Variants in POU6F2 observed in about 807,000 individuals in gnomAD.
The protein encoded by POU6F2 is POU class 6 homeobox 2.
In POU6F2, 31 loss-of-function variants were observed where a neutral mutation model predicts 71.3. The ratio of observed to expected loss-of-function variants is 0.43; its 90% CI spans 0.33 to 0.59. POU6F2 has a LOEUF of 0.59. Ranked by LOEUF, POU6F2 falls within the 20% of genes least tolerant of loss-of-function variation. The pLI is 0.04. For synonymous variants in POU6F2, 347 were observed against 355.7 expected (o/e 0.98, Z 0.27); for missense variants, 783 against 856.8 (o/e 0.91, Z 1.07).
intron 4 of POU6F2, among the ~76,000 whole-genome samples, chr7:39,283,940 G>A (rs1220918942): frequency 6.6e-6 from 1 of 152,118 alleles, no homozygotes; most frequent in African/African-American, 2.4e-5. Flanking sequence ...AATACAAGAG[G>A]ATGCAAACGC....
rs747075143 is a variant in POU6F2, at chr7:39,173,521, TACTCTA to T, written c.278-30710_278-30705del. On this transcript the variant is annotated intron_variant, in intron 2 of 9. Coordinates refer to ENST00000518318, the MANE Select transcript of POU6F2 (RefSeq NM_001370959.1). The stretch of plus-strand genomic sequence containing the variant: ...GTTGAAAAAGTGTAGCTAGTGATCC[TACTCTA>T]ACTTAACCAATGACTTTCAGCATCC... Among the ~76,000 whole-genome samples, 49 of 152,376 alleles carry T rather than the reference TACTCTA, an allele frequency of 3.2e-4. 2 individuals are homozygous for T. In the Middle Eastern group the frequency reaches 0.017, roughly 53 times the overall value.
At position 39,267,229 on chromosome 7, in the gene POU6F2, C is replaced by G. The variant is rs577718976; in HGVS notation, c.598+59609C>G. Reference sequence around the variant, plus strand: ...TGGAATAGGAAAGAGAACACACACACAGACGCCCATAAAATTACAGTGTAG... The same window carrying G: ...TGGAATAGGAAAGAGAACACACACAGAGACGCCCATAAAATTACAGTGTAG... On this transcript the variant is annotated intron_variant, in intron 4 of 9. Transcript: ENST00000518318. 2.0e-3 allele frequency among the ~76,000 whole-genome samples: 303 copies of G among 152,300 alleles called. 1 individual carries two copies. The highest frequency in any genetic ancestry group is 7.2e-3 in the African/African-American group (298 of 41,564).
intron 5 of POU6F2, among the ~76,000 whole-genome samples, chr7:39,347,078 TCAGTTTCCTCACTGGTCAGA>T (rs1200198671): frequency 2.0e-5 from 3 of 152,178 alleles, no homozygotes; most frequent in Admixed American, 2.0e-4. Context: ...CTTCTGAGCC[TCAGTTTCCTCACTGGTCAGA>T]CAGTTGGTGT....
chr7:39,212,721 C>T (rs535654606), intron 4 of POU6F2, among the ~76,000 whole-genome samples: 1 of 152,348 alleles, frequency 6.6e-6, no homozygotes, highest in Admixed American at 6.5e-5. Context: ...CTTGCTCTGT[C>T]ACATATTCCA....
intron 1 of POU6F2, among the ~76,000 whole-genome samples, chr7:38,980,482 T>G (rs2116583878): frequency 6.6e-6 from 1 of 152,294 alleles, no homozygotes; most frequent in East Asian, 1.9e-4. Context: ...CACAGATAAG[T>G]GTATTTACTC....
intron 2 of POU6F2, among the ~76,000 whole-genome samples, chr7:39,185,406 T>C (rs1211853554): frequency 6.6e-6 from 1 of 152,194 alleles, no homozygotes; most frequent in Non-Finnish European, 1.5e-5. Context: ...GTTTTTAAAC[T>C]TCTGTTTTAA....
intron 4 of POU6F2, among the ~76,000 whole-genome samples, chr7:39,266,766 G>GAT (rs1173055439): frequency 2.2e-5 from 1 of 45,348 alleles, no homozygotes; most frequent in Non-Finnish European, 3.9e-5. Flanking sequence ...TTAACATTTT[G>GAT]ATATATATAT....
At chr7:39,188,235 C>CA (rs1346570376) in intron 2 of POU6F2, among the ~76,000 whole-genome samples, 1 of 152,136 alleles carries the variant, frequency 6.6e-6, no homozygotes, top group East Asian at 1.9e-4. Flanking sequence ...AATAACTTAT[C>CA]AAAAATCACA....
intron 6 of POU6F2, among the ~76,000 whole-genome samples, chr7:39,420,779 G>A (rs1397184957): frequency 6.6e-6 from 1 of 152,018 alleles, no homozygotes; most frequent in Non-Finnish European, 1.5e-5. Context: ...GATATCATCT[G>A]GCAAGGCTGT....
chr7:39,354,360 C>G, intron 5 of POU6F2, among the ~76,000 whole-genome samples: 1 of 152,140 alleles, frequency 6.6e-6, no homozygotes, highest in East Asian at 1.9e-4. Flanking sequence ...AGGACAAAAC[C>G]TTTAGCTCTG....
At chr7:39,391,716 C>T (rs10256992) in intron 5 of POU6F2, among the ~76,000 whole-genome samples, 59,469 of 152,116 alleles carry the variant, frequency 0.39, 12,723 homozygotes, top group East Asian at 0.62. Context: ...GCAGTACTGT[C>T]CTTCAGTACA....
chr7:39,393,887 A>T (rs976252011), intron 5 of POU6F2, among the ~76,000 whole-genome samples: 2 of 152,210 alleles, frequency 1.3e-5, no homozygotes, highest in African/African-American at 4.8e-5. Flanking sequence ...GGTTATTGGG[A>T]TGGAAGGAAG....
At chr7:39,333,701 G>T (rs1736604166) in intron 4 of POU6F2, among the ~76,000 whole-genome samples, 1 of 152,220 alleles carries the variant, frequency 6.6e-6, no homozygotes, top group Non-Finnish European at 1.5e-5. Flanking sequence ...TTGTGCCACT[G>T]CACTCCAGCC....
chr7:39,423,628 T>C (rs2115981905), intron 6 of POU6F2, among the ~76,000 whole-genome samples: 1 of 152,358 alleles, frequency 6.6e-6, no homozygotes, highest in East Asian at 1.9e-4. Context: ...ATTTAATATG[T>C]AATTATTAAT....
intron 1 of POU6F2, among the ~76,000 whole-genome samples, chr7:39,065,706 G>A (rs1790741390): frequency 2.6e-5 from 4 of 151,440 alleles, no homozygotes; most frequent in Admixed American, 2.6e-4. Context: ...GTATATAGAT[G>A]AATTTATAAG....
intron 2 of POU6F2, among the ~76,000 whole-genome samples, chr7:39,187,172 C>T (rs1793558063): frequency 6.6e-6 from 1 of 152,186 alleles, no homozygotes; most frequent in Non-Finnish European, 1.5e-5. Flanking sequence ...CAAAACTGAG[C>T]CAAGAAAGAT....
chr7:39,090,898 A>G (rs1791352032), intron 2 of POU6F2, among the ~76,000 whole-genome samples: 1 of 152,186 alleles, frequency 6.6e-6, no homozygotes, highest in Non-Finnish European at 1.5e-5. Context: ...GTCAAAAATC[A>G]GTTATGGTTT....
At chr7:39,419,104 C>CAT (rs368009820) in intron 6 of POU6F2, among the ~76,000 whole-genome samples, 2,189 of 72,878 alleles carry the variant, frequency 0.03, 236 homozygotes, top group African/African-American at 0.11. Context: ...TATATATACA[C>CAT]ATATATACGT....
intron 4 of POU6F2, among the ~76,000 whole-genome samples, chr7:39,254,581 C>T (rs1471345356): frequency 6.6e-6 from 1 of 152,172 alleles, no homozygotes; most frequent in Non-Finnish European, 1.5e-5. Flanking sequence ...CCGCAAGCTC[C>T]TTATCACAGC....
Sources: gnomAD v4.1 joint callset for allele counts (sites outside exome capture counted in the v4.1 genomes callset) on GRCh38, gnomAD v4.1.1 for gene constraint, MANE v1.5 for transcripts, NCBI Gene and HGNC (gene_info 2026-07-23, HGNC 2026-07-21) for gene names.